The following PRKN variants were observed in gnomAD, a reference collection of about 807,000 sequenced individuals.
The protein encoded by PRKN is parkin RBR E3 ubiquitin protein ligase.
PRKN carries 56 observed loss-of-function variants against 59.5 expected under a neutral mutation model. The observed-to-expected ratio is 0.94, with a 90% CI of 0.76 to 1.18. PRKN has a LOEUF of 1.18. PRKN is among the 50% of genes most tolerant of loss of function. PRKN has a pLI of 0.00. For synonymous variants in PRKN, 250 were observed against 222.1 expected (o/e 1.13, Z -1.12); for missense variants, 657 against 596.4 (o/e 1.10, Z -1.06).
At chr6:162,222,862 T>C (rs1777994398) in intron 3 of PRKN, among the ~76,000 whole-genome samples, 1 of 152,084 alleles carries the variant, frequency 6.6e-6, no homozygotes, top group South Asian at 2.1e-4. Context: ...TATTTTATTA[T>C]TATTATACTT....
chr6:162,583,077 G>A (rs762431910), intron 1 of PRKN, among the ~76,000 whole-genome samples: 11 of 152,064 alleles, frequency 7.2e-5, no homozygotes, highest in Non-Finnish European at 1.6e-4. Context: ...TGGCCCCTTT[G>A]CCCCTGCCAT....
intron 5 of PRKN, among the ~76,000 whole-genome samples, chr6:162,010,621 A>C (rs1782524957): frequency 2.3e-4 from 1 of 4,416 alleles, no homozygotes; most frequent in Non-Finnish European, 2.8e-4. Context: ...AATATATTAT[A>C]TTATATATAA....
intron 6 of PRKN, among the ~76,000 whole-genome samples, chr6:161,939,359 A>C (rs1281296300): frequency 1.4e-5 from 2 of 138,572 alleles, no homozygotes; most frequent in Admixed American, 1.6e-4. Context: ...TGGAGGTTGC[A>C]GTGAGCTGAG....
At chr6:161,519,454 C>T (rs1778739571) in intron 9 of PRKN, among the ~76,000 whole-genome samples, 1 of 152,076 alleles carries the variant, frequency 6.6e-6, no homozygotes, top group Non-Finnish European at 1.5e-5. Flanking sequence ...AGGGTAGTAA[C>T]ATATCTCCCT....
At chr6:161,788,804 G>C (rs926531065) in intron 6 of PRKN, among the ~76,000 whole-genome samples, 3 of 152,200 alleles carry the variant, frequency 2.0e-5, no homozygotes, top group Non-Finnish European at 4.4e-5. Flanking sequence ...ACAAGTTACA[G>C]GGAGTCAAAA....
chr6:161,832,498 C>T (rs970508118), intron 6 of PRKN, among the ~76,000 whole-genome samples: 3 of 151,662 alleles, frequency 2.0e-5, no homozygotes, highest in African/African-American at 7.3e-5. Context: ...GTGGCATGTG[C>T]CTATAGTCTC....
intron 1 of PRKN, among the ~76,000 whole-genome samples, chr6:162,662,470 G>C (rs1414500331): frequency 6.6e-6 from 1 of 151,900 alleles, no homozygotes; most frequent in Non-Finnish European, 1.5e-5. Context: ...ATTTCATTTT[G>C]AAGACATGGT....
chr6:161,808,598 C>G (rs1371822048), intron 6 of PRKN, among the ~76,000 whole-genome samples: 2 of 152,100 alleles, frequency 1.3e-5, no homozygotes, highest in Non-Finnish European at 1.5e-5. Context: ...TTTGTATTAT[C>G]TATAAATTTG....
chr6:161,400,150 G>A lies in PRKN; in HGVS notation c.1084-13273C>T, dbSNP rs540669226. ...CATGCTGGCCACCACGCTGGACTGC[G>A]CAGGTCTACAAGGACCCTGCTGTCT... On this transcript the variant is annotated intron_variant, in intron 9 of 11. Coordinates refer to ENST00000366898, the MANE Select transcript of PRKN (RefSeq NM_004562.3). This position sits in a 1 kb window ranked among gnomAD's most constrained non-coding sequence, Gnocchi z 4.2. Among the ~76,000 whole-genome samples the A allele has an allele frequency of 2.6e-5, 4 of 151,992 alleles. No homozygotes were observed. The highest frequency in any genetic ancestry group is 4.8e-5 in the African/African-American group (2 of 41,436).
At chr6:162,422,977 A>AAAAAAAAAAAG (rs397969833) in intron 2 of PRKN, among the ~76,000 whole-genome samples, 1 of 145,510 alleles carries the variant, frequency 6.9e-6, no homozygotes, top group African/African-American at 2.6e-5. Context: ...AAAAAAAAAA[A>AAAAAAAAAAAG]GCATCATAAG....
chr6:162,264,026 C>A (rs1315521178), intron 2 of PRKN, among the ~76,000 whole-genome samples: 1 of 152,160 alleles, frequency 6.6e-6, no homozygotes, highest in Non-Finnish European at 1.5e-5. Flanking sequence ...GTAATCCCAG[C>A]ACTTTGGGAG....
chr6:161,562,145 G>T lies in PRKN; in HGVS notation c.933+7210C>A, dbSNP rs979454566. 6.6e-6 allele frequency among the ~76,000 whole-genome samples: 1 copy of T among 151,580 alleles called. No individual in the cohort carries two copies. Among genetic ancestry groups the T allele is most frequent in the African/African-American group, 2.4e-5 (1 of 41,200 alleles). The stretch of plus-strand genomic sequence containing the variant: ...ATAAATCAGCATTCCTCCTCTGGAA[G>T]CCCCGCCTTCTTGGCTTCCCCAACA... On this transcript the variant is annotated intron_variant, in intron 8 of 11. Transcript: ENST00000366898. This position sits in a 1 kb window ranked among gnomAD's most constrained non-coding sequence, Gnocchi z 4.3.
chr6:161,678,222 T>A (rs1437172018), intron 7 of PRKN, among the ~76,000 whole-genome samples: 1 of 32,376 alleles, frequency 3.1e-5, no homozygotes, highest in African/African-American at 4.8e-5. Flanking sequence ...ATCACTTTTT[T>A]TTTTTTTTTT....
intron 6 of PRKN, among the ~76,000 whole-genome samples, chr6:161,923,448 T>A (rs915018880): frequency 3.9e-5 from 6 of 152,268 alleles, no homozygotes; most frequent in African/African-American, 1.2e-4. Flanking sequence ...ACACCCTGCC[T>A]CAATAAATAA....
At chr6:162,052,740 T>C (rs373419408) in intron 5 of PRKN, among the ~76,000 whole-genome samples, 5 of 152,252 alleles carry the variant, frequency 3.3e-5, no homozygotes, top group African/African-American at 1.2e-4. Flanking sequence ...TAATGTTGTA[T>C]ATATGTATAC....
At chr6:162,300,101 T>C (rs1311930856) in intron 2 of PRKN, among the ~76,000 whole-genome samples, 1 of 152,092 alleles carries the variant, frequency 6.6e-6, no homozygotes, top group Non-Finnish European at 1.5e-5. Context: ...TAGCTGCAAA[T>C]GATTTATGAA....
intron 6 of PRKN, among the ~76,000 whole-genome samples, chr6:161,800,249 C>T (rs778466984): frequency 3.3e-5 from 5 of 152,048 alleles, no homozygotes; most frequent in Non-Finnish European, 7.4e-5. Flanking sequence ...GACAGGTAGA[C>T]AATATGTTTG....
At chr6:161,602,548 G>T (rs968077590) in intron 7 of PRKN, among the ~76,000 whole-genome samples, 2 of 152,152 alleles carry the variant, frequency 1.3e-5, no homozygotes, top group Admixed American at 6.5e-5. Flanking sequence ...GTCCCTCAAG[G>T]AATATTTTAA....
intron 7 of PRKN, among the ~76,000 whole-genome samples, chr6:161,646,091 G>C (rs1421207814): frequency 1.1e-4 from 11 of 97,542 alleles, no homozygotes; most frequent in Non-Finnish European, 1.9e-4. Flanking sequence ...GTGTGCGTGC[G>C]TGGCGGAGGA....
Sources: gnomAD v4.1 joint callset for allele counts (sites outside exome capture counted in the v4.1 genomes callset) on GRCh38, gnomAD v4.1.1 for gene constraint, Gnocchi (gnomAD v3.1) non-coding constraint, MANE v1.5 for transcripts, NCBI Gene and HGNC (gene_info 2026-07-23, HGNC 2026-07-21) for gene names.